The following BTF3L4 variants were observed in gnomAD, a reference collection of about 807,000 sequenced individuals.
The protein encoded by BTF3L4 is transcription factor BTF3 homolog 4.
In BTF3L4, 6 loss-of-function variants were observed where a neutral mutation model predicts 16.8. The ratio of observed to expected loss-of-function variants is 0.36; its 90% confidence interval spans 0.20 to 0.71. BTF3L4 has a LOEUF of 0.71. BTF3L4 is among the 30% of genes least tolerant of loss of function. The probability of loss-of-function intolerance (pLI) is 0.58; values close to 1 mark genes in which losing one functional copy is unlikely to be tolerated. For synonymous variants in BTF3L4, 39 were observed against 59.8 expected, an observed-to-expected ratio of 0.65 and a Z score of 1.60; for missense variants, 92 against 186.9, an observed-to-expected ratio of 0.49 and a Z score of 2.96.
Position 52,086,917 on chromosome 1 carries a change from G to C in BTF3L4, c.*159G>C. 2.3e-6 allele frequency: 1 copy of C among 437,932 alleles called. No individual in the cohort carries two copies. The highest frequency in any genetic ancestry group is 4.1e-6 in the Non-Finnish European group (1 of 244,202). The allele number at this position is 437,932 out of a possible 1,614,324, so 27.1% of individuals were successfully genotyped here. A position where few individuals can be genotyped will look rare whatever the true frequency, so the allele number is the denominator to read the frequency against. On this transcript the variant is annotated 3_prime_UTR_variant, in exon 6 of 6. Coordinates refer to ENST00000313334, the MANE Select transcript of BTF3L4 (RefSeq NM_152265.5). ...TTTGTTCAGCATTTTTCGGTCATTT[G>C]ATTTTGCATTTTGCACTTCCTCCCA...
At chr1:52,074,845 A>C (rs974837416) in intron 3 of BTF3L4, among the ~76,000 whole-genome samples, 3 of 151,946 alleles carry the variant, frequency 2.0e-5, no homozygotes, top group South Asian at 4.1e-4. Context: ...TACTTTTTTA[A>C]TTTTTAAATT....
rs946449141 is a variant in BTF3L4 at position 52,083,225 on chromosome 1, T to C, written c.169-115T>C. ...GTCCGTTGCTTGGCCAGTTACTACC[T>C]TGGGATTACATAACTACCAAGTAAA... On this transcript the variant is annotated intron_variant, in intron 3 of 5. Coordinates refer to ENST00000313334, the MANE Select transcript of BTF3L4 (RefSeq NM_152265.5). The C allele has an allele frequency of 1.2e-5, 10 of 818,958 alleles. No homozygotes were observed. In the African/African-American group the frequency reaches 1.7e-4, roughly 14 times the overall value. The allele number at this position is 818,958 out of a possible 1,614,324, so 50.7% of individuals were successfully genotyped here. A position where few individuals can be genotyped will look rare whatever the true frequency, so the allele number is the denominator to read the frequency against.
rs1397754474 is a variant in BTF3L4 at position 52,082,615 on chromosome 1, A to G, written c.169-725A>G. On this transcript the variant is annotated intron_variant, in intron 3 of 5. Transcript: ENST00000313334. ...CTGGGCATAGTGGCATGTGCCTCTC[A>G]TCTCAGCTACCAGGTTGGGAGGCTG... Among the ~76,000 whole-genome samples, 5 of 152,062 alleles carry G rather than the reference A, an allele frequency of 3.3e-5. No individual in the cohort carries two copies. The East Asian group carries it at 5.8e-4, about 18-fold the overall frequency.
chr1:52,059,809 T>C, intron 1 of BTF3L4, 26 bp from the exon 2 acceptor site: 1 of 1,610,612 alleles, frequency 6.2e-7, no homozygotes, highest in Non-Finnish European at 8.5e-7. Flanking sequence ...AGAGTGACTT[T>C]AACAAATCTA....
chr1:52,068,517 G>T (rs978361200), intron 3 of BTF3L4, among the ~76,000 whole-genome samples: 1 of 152,156 alleles, frequency 6.6e-6, no homozygotes, highest in Admixed American at 6.5e-5. Flanking sequence ...AGAGAGTTAG[G>T]TGCCTACCTA....
At position 52,080,866 on chromosome 1, in the gene BTF3L4, A is replaced by C. The variant is rs563598476; in HGVS notation, c.169-2474A>C. Among the ~76,000 whole-genome samples, 101 of 121,594 alleles carry C rather than the reference A, an allele frequency of 8.3e-4. 1 individual carries two copies. Among genetic ancestry groups the C allele is most frequent in the African/African-American group, 3.0e-3 (94 of 31,274 alleles). The allele number at this position is 121,594 out of a possible 152,430, so 79.8% of individuals were successfully genotyped here. A position where few individuals can be genotyped will look rare whatever the true frequency, so the allele number is the denominator to read the frequency against. On this transcript the variant is annotated intron_variant, in intron 3 of 5. Coordinates refer to ENST00000313334, the MANE Select transcript of BTF3L4 (RefSeq NM_152265.5). ...TTTTTTTTTTTTTTTTTTCTGAGAA[A>C]GTCTCACTCGGTAGCCAGGCTGGAA...
intron 3 of BTF3L4, among the ~76,000 whole-genome samples, chr1:52,077,563 G>GA (rs1385037090): frequency 2.0e-5 from 3 of 151,476 alleles, no homozygotes; most frequent in Non-Finnish European, 4.4e-5. Context: ...ATCTCAAAAA[G>GA]AAAAAAAGAG....
At chr1:52,080,947 C>T (rs560028406) in intron 3 of BTF3L4, among the ~76,000 whole-genome samples, 347 of 148,600 alleles carry the variant, frequency 2.3e-3, no homozygotes, top group Non-Finnish European at 4.2e-3. Flanking sequence ...TCAAGTGATT[C>T]TCCTGTCTCA....
chr1:52,076,672 G>A (rs1365625888), intron 3 of BTF3L4, among the ~76,000 whole-genome samples: 1 of 151,998 alleles, frequency 6.6e-6, no homozygotes, highest in African/African-American at 2.4e-5. Context: ...ATATGTTATA[G>A]ACTAATGATA....
chr1:52,072,211 C>A (rs1292197110), intron 3 of BTF3L4, among the ~76,000 whole-genome samples: 1 of 151,762 alleles, frequency 6.6e-6, no homozygotes, highest in South Asian at 2.1e-4. Context: ...CCCGCCACCA[C>A]GCCTGGCTAA....
In BTF3L4 at chr1:52,088,913, A is replaced by ATTTTTTTTTTTTTT. The variant is rs3991108; in HGVS notation, c.*2160_*2173dup. The ATTTTTTTTTTTTTT allele has an allele frequency of 7.8e-6, 1 of 128,670 alleles. No homozygotes were observed. The highest frequency in any genetic ancestry group is 1.7e-5 in the Non-Finnish European group (1 of 60,506). 8.0% of individuals were successfully genotyped at this position (128,670 alleles called of 1,614,324 possible). A position where few individuals can be genotyped will look rare whatever the true frequency, so the allele number is the denominator to read the frequency against. ...TGTCTCAGCCTCCACAGTAGCTGGG[A>ATTTTTTTTTTTTTT]TTTTTTTTTTTTTTTTTTGTATTTT... On this transcript the variant is annotated 3_prime_UTR_variant, in exon 6 of 6. Transcript: ENST00000313334.
Position 52,066,561 on chromosome 1 carries a change from C to T in BTF3L4, c.168+1623C>T, listed in dbSNP as rs561808599. On this transcript the variant is annotated intron_variant, in intron 3 of 5. Coordinates refer to ENST00000313334, the MANE Select transcript of BTF3L4 (RefSeq NM_152265.5). ...TTTACTGCCATAAGTTAAATTTAAC[C>T]GGCCGGGTGCGGTGGCTCACACCTG... is the stretch of plus-strand genomic sequence containing the variant. Among the ~76,000 whole-genome samples the T allele has an allele frequency of 1.9e-4, 28 of 148,250 alleles. No homozygotes were observed. In the South Asian group the frequency reaches 4.0e-3, roughly 21 times the overall value.
chr1:52,059,654 A>C (rs546906439), intron 1 of BTF3L4, among the ~76,000 whole-genome samples, 181 bp from the exon 2 acceptor site: 1 of 152,322 alleles, frequency 6.6e-6, no homozygotes. Context: ...GATTTTTAAA[A>C]ATATCTGGTT....
intron 1 of BTF3L4, among the ~76,000 whole-genome samples, chr1:52,058,930 T>C (rs1686442195): frequency 6.6e-6 from 1 of 152,220 alleles, no homozygotes; most frequent in Non-Finnish European, 1.5e-5. Context: ...TTATGTAATG[T>C]GGAATGTGAT....
chr1:52,065,606 A>G (rs1190047888), intron 3 of BTF3L4, among the ~76,000 whole-genome samples: 3 of 152,076 alleles, frequency 2.0e-5, no homozygotes, highest in Non-Finnish European at 4.4e-5. Context: ...CTCATGGCTC[A>G]ATAGAGGTAG....
At chr1:52,065,930 C>T (rs564893720) in intron 3 of BTF3L4, among the ~76,000 whole-genome samples, 45 of 151,948 alleles carry the variant, frequency 3.0e-4, no homozygotes, top group African/African-American at 1.1e-3. Context: ...CCCAGCTACT[C>T]GGGAGGCTAA....
At chr1:52,061,323 C>T (rs1400791837) in intron 2 of BTF3L4, among the ~76,000 whole-genome samples, 6 of 151,666 alleles carry the variant, frequency 4.0e-5, no homozygotes, top group Admixed American at 3.9e-4. Flanking sequence ...ACCCTGTCTC[C>T]ACTAAAAGTA....
chr1:52,081,606 T>C (rs1273332350), intron 3 of BTF3L4, among the ~76,000 whole-genome samples: 1 of 152,220 alleles, frequency 6.6e-6, no homozygotes, highest in Non-Finnish European at 1.5e-5. Flanking sequence ...CATTTAACTT[T>C]TTAACAAAAC....
rs34904880 is a variant in BTF3L4, at chr1:52,062,197, C to CT, written c.54+2318dup. On this transcript the variant is annotated intron_variant, in intron 2 of 5. Coordinates refer to ENST00000313334, the MANE Select transcript of BTF3L4 (RefSeq NM_152265.5). ...TGACCTCGTGATCGCCCGCCTCGGCCTTTTTTTTTTTTTTTTTTTTTTGAG... is the reference window on the plus strand; with the variant it reads ...TGACCTCGTGATCGCCCGCCTCGGCCTTTTTTTTTTTTTTTTTTTTTTTGAG... Among the ~76,000 whole-genome samples, 197 of 53,648 alleles carry CT rather than the reference C, an allele frequency of 3.7e-3. 5 individuals carry two copies. The highest frequency in any genetic ancestry group is 8.2e-3 in the South Asian group (7 of 850). The allele number at this position is 53,648 out of a possible 152,430, so 35.2% of individuals were successfully genotyped here.
Sources: allele counts gnomAD v4.1 joint callset (sites outside exome capture counted in the v4.1 genomes callset), GRCh38; gene constraint gnomAD v4.1.1; transcripts MANE v1.5; gene names NCBI Gene and HGNC (gene_info 2026-07-23, HGNC 2026-07-21).